Variants in ADAMTS14 observed in about 807,000 individuals in gnomAD.
The protein encoded by ADAMTS14 is A disintegrin and metalloproteinase with thrombospondin motifs 14.
Under a neutral mutation model 128.6 loss-of-function variants are expected in ADAMTS14, and 100 were observed. The ratio of observed to expected loss-of-function variants is 0.78; its 90% confidence interval spans 0.66 to 0.92. ADAMTS14 has a LOEUF of 0.92. ADAMTS14 is among the 40% of genes least tolerant of loss of function. ADAMTS14 has a pLI of 0.00. For missense variants in ADAMTS14, 1,562 were observed against 1,658.6 expected (o/e 0.94, Z 1.01); for synonymous variants, 665 against 653.8 (o/e 1.02, Z -0.26).
intron 16 of ADAMTS14, among the ~76,000 whole-genome samples, chr10:70,751,156 G>A (rs184483991): frequency 4.6e-5 from 7 of 152,316 alleles, no homozygotes; most frequent in Admixed American, 4.6e-4. Flanking sequence ...CAGTGTGGAT[G>A]CTGCAGTGAG....
chr10:70,689,315 G>C (rs1840114807), intron 2 of ADAMTS14, among the ~76,000 whole-genome samples: 1 of 144,758 alleles, frequency 6.9e-6, no homozygotes, highest in Admixed American at 6.9e-5. Context: ...AGTCAGTTGT[G>C]CAGCACCAAC....
chr10:70,680,937 A>G (rs7909024), intron 2 of ADAMTS14, among the ~76,000 whole-genome samples: 151,787 of 152,350 alleles, frequency 1, 75,617 homozygotes, highest in East Asian at 1. Flanking sequence ...CACCGCACCC[A>G]GCCAATCGTG....
At chr10:70,706,464 A>G (rs1840670810) in intron 3 of ADAMTS14, among the ~76,000 whole-genome samples, 1 of 152,218 alleles carries the variant, frequency 6.6e-6, no homozygotes, top group Non-Finnish European at 1.5e-5. Context: ...TCCCTGCTCC[A>G]TGGAGAGAGC....
intron 2 of ADAMTS14, among the ~76,000 whole-genome samples, chr10:70,695,311 C>G (rs1840300857): frequency 6.6e-6 from 1 of 152,116 alleles, no homozygotes; most frequent in Non-Finnish European, 1.5e-5. Flanking sequence ...CCCACCTTAC[C>G]CCCATCAAGC....
At chr10:70,677,322 G>T (rs2097041546) in intron 2 of ADAMTS14, among the ~76,000 whole-genome samples, 1 of 152,142 alleles carries the variant, frequency 6.6e-6, no homozygotes, top group Non-Finnish European at 1.5e-5. Context: ...GATTTTTGGT[G>T]GCCTCTGAGT....
At chr10:70,710,191 A>G (rs1177880510) in intron 4 of ADAMTS14, among the ~76,000 whole-genome samples, 1 of 152,242 alleles carries the variant, frequency 6.6e-6, no homozygotes, top group East Asian at 1.9e-4. Flanking sequence ...AGTGGTGCAC[A>G]AGGGAAAATG....
At chr10:70,684,253 CTG>C (rs1045062925) in intron 2 of ADAMTS14, among the ~76,000 whole-genome samples, 1 of 152,174 alleles carries the variant, frequency 6.6e-6, no homozygotes, top group Non-Finnish European at 1.5e-5. Context: ...GAAACCGACT[CTG>C]TGATTCAATC....
At chr10:70,738,259 A>G (rs949556040) in intron 10 of ADAMTS14, among the ~76,000 whole-genome samples, 1 of 152,180 alleles carries the variant, frequency 6.6e-6, no homozygotes, top group Non-Finnish European at 1.5e-5. Flanking sequence ...AGGCCTGTAT[A>G]GATATGAGAG....
chr10:70,735,364 A>T, intron 9 of ADAMTS14, 63 bp downstream of exon 9: 1 of 1,580,450 alleles, frequency 6.3e-7, no homozygotes, highest in Non-Finnish European at 8.6e-7. Flanking sequence ...TCTGTGGCCC[A>T]TGCTGACCAT....
intron 3 of ADAMTS14, among the ~76,000 whole-genome samples, chr10:70,704,014 C>G (rs1840575220): frequency 6.6e-6 from 1 of 152,216 alleles, no homozygotes; most frequent in Admixed American, 6.5e-5. Context: ...GTGCCTGTCT[C>G]CATTTCACAG....
At chr10:70,677,957 T>C (rs995604989) in intron 2 of ADAMTS14, among the ~76,000 whole-genome samples, 4 of 152,220 alleles carry the variant, frequency 2.6e-5, no homozygotes, top group African/African-American at 7.2e-5. Context: ...ACATCTCAAA[T>C]GCCAAAGTCA....
At chr10:70,686,875 G>T (rs1338731860) in intron 2 of ADAMTS14, among the ~76,000 whole-genome samples, 2 of 91,992 alleles carry the variant, frequency 2.2e-5, no homozygotes, top group Non-Finnish European at 2.4e-5. Context: ...GCTGGGCGGG[G>T]GGGGCTGACC....
chr10:70,689,535 C>T (rs1049869340), intron 2 of ADAMTS14, among the ~76,000 whole-genome samples: 1 of 145,288 alleles, frequency 6.9e-6, no homozygotes, highest in African/African-American at 2.4e-5. Context: ...TGGTACAGAA[C>T]GGGTCCTGTG....
At chr10:70,751,145 G>A (rs908589135) in intron 16 of ADAMTS14, among the ~76,000 whole-genome samples, 1 of 152,216 alleles carries the variant, frequency 6.6e-6, no homozygotes, top group African/African-American at 2.4e-5. Flanking sequence ...CTAGAGCCAG[G>A]CAGTGTGGAT....
chr10:70,680,256 C>T (rs1190202570), intron 2 of ADAMTS14, among the ~76,000 whole-genome samples: 10 of 151,896 alleles, frequency 6.6e-5, no homozygotes, highest in Admixed American at 6.6e-4. Flanking sequence ...ACAAAATTAG[C>T]CGGTCATGGT....
intron 2 of ADAMTS14, among the ~76,000 whole-genome samples, chr10:70,687,337 GA>G (rs1324849494): frequency 2.7e-5 from 2 of 74,296 alleles, no homozygotes; most frequent in African/African-American, 4.6e-5. Flanking sequence ...GCGGGGGGCC[GA>G]CCCCCCCACC....
intron 15 of ADAMTS14, among the ~76,000 whole-genome samples, chr10:70,748,834 G>A (rs1842262941): frequency 6.6e-6 from 1 of 152,210 alleles, no homozygotes; most frequent in Admixed American, 6.5e-5. Context: ...AGGCTCTGGA[G>A]CCTTTGCCCT....
At position 70,761,023 on chromosome 10, in the gene ADAMTS14, G is replaced by T. The variant is rs1842602078; in HGVS notation, c.*170G>T. The T allele has an allele frequency of 9.7e-7, 1 of 1,032,166 alleles. No individual in the cohort carries two copies. Among genetic ancestry groups the T allele is most frequent in the Non-Finnish European group, 1.3e-6 (1 of 749,758 alleles). 63.9% of individuals were successfully genotyped at this position (1,032,166 alleles called of 1,614,324 possible). The stretch of plus-strand genomic sequence containing the variant: ...CTCTTTACCCCACAAAGCGGGGTGG[G>T]AGGAAGACAAAGATCAGGGAAAGCC... On this transcript the variant is annotated 3_prime_UTR_variant, in exon 22 of 22. Transcript: ENST00000373207.
intron 2 of ADAMTS14, among the ~76,000 whole-genome samples, chr10:70,690,131 C>G (rs1384857940): frequency 2.1e-5 from 3 of 144,098 alleles, no homozygotes; most frequent in African/African-American, 7.4e-5. Flanking sequence ...TGTGCTATTG[C>G]AGGCAAGGGT....
Sources: gnomAD v4.1 joint callset for allele counts (sites outside exome capture counted in the v4.1 genomes callset) on GRCh38, gnomAD v4.1.1 for gene constraint, MANE v1.5 for transcripts, NCBI Gene and HGNC (gene_info 2026-07-23, HGNC 2026-07-21) for gene names.